Variants in XPO5 observed in about 807,000 individuals in gnomAD.
XPO5 encodes exportin-5.
In XPO5, 46 loss-of-function variants were observed where a neutral mutation model predicts 160.6. That is an observed-to-expected ratio of 0.29 (90% confidence interval 0.23 to 0.37). The LOEUF (loss-of-function observed/expected upper bound fraction) is 0.37, where lower values mean the gene tolerates loss of function less well. Ranked by LOEUF, XPO5 falls within the 10% of genes least tolerant of loss-of-function variation. The probability of loss-of-function intolerance (pLI) is 1.00; values close to 1 mark genes in which losing one functional copy is unlikely to be tolerated. For missense variants in XPO5, 1,090 were observed against 1,463.9 expected (o/e 0.74, Z 4.17); for synonymous variants, 537 against 519.3 (o/e 1.03, Z -0.46).
At position 43,556,523 on chromosome 6, in the gene XPO5, CAAAAAAAAA is replaced by C. The variant is rs539768315; in HGVS notation, c.1313-568_1313-560del. Among the ~76,000 whole-genome samples, 3 of 71,988 alleles carry C rather than the reference CAAAAAAAAA, an allele frequency of 4.2e-5. No individual in the cohort carries two copies. The South Asian group carries it at 1.5e-3, about 36-fold the overall frequency. 47.2% of individuals were successfully genotyped at this position (71,988 alleles called of 152,430 possible). On this transcript the variant is annotated intron_variant, in intron 12 of 31. Transcript: ENST00000265351. ...TGGACAACAGAGTGAGACCATGTCTCAAAAAAAAAAAAAAAAAAATTTTTAAAAAGTAAA... is the reference window on the plus strand; with the variant it reads ...TGGACAACAGAGTGAGACCATGTCTCAAAAAAAAAATTTTTAAAAAGTAAA...
chr6:43,536,398 C>G (rs111994270), intron 20 of XPO5, among the ~76,000 whole-genome samples: 4,924 of 143,324 alleles, frequency 0.034, 258 homozygotes, highest in African/African-American at 0.12. Flanking sequence ...CTGCGCAACA[C>G]AGTGAGACTC....
In XPO5 at chr6:43,549,511, C is replaced by T. The variant is rs771045748; in HGVS notation, c.1838G>A (p.Arg613His). The part of the protein sequence containing the change: ...HACSSIIKMC[R>H]DYPQLVLPNF... ...TACCAGCACAAGCTGGGGGTAGTCACGACACATCTTGATGATGGAGGAACA... is the reference window on the plus strand; with the variant it reads ...TACCAGCACAAGCTGGGGGTAGTCATGACACATCTTGATGATGGAGGAACA... Residue 613 changes from arginine (R) to histidine (H), a missense_variant, in exon 17 of 32, where the codon CGT (arginine) becomes CAT (histidine). Coordinates refer to ENST00000265351, the MANE Select transcript of XPO5 (RefSeq NM_020750.3). 9 of 1,612,868 alleles carry T rather than the reference C, an allele frequency of 5.6e-6. No individual in the cohort carries two copies. Among genetic ancestry groups the T allele is most frequent in the South Asian group, 2.2e-5 (2 of 90,960 alleles).
rs559016595 is a variant in XPO5, at chr6:43,546,344, A to G, written c.2342+227T>C. 3.3e-5 allele frequency among the ~76,000 whole-genome samples: 5 copies of G among 152,350 alleles called. No individual in the cohort carries two copies. The South Asian group carries it at 8.3e-4, about 25-fold the overall frequency. On this transcript the variant is annotated intron_variant, in intron 20 of 31. Transcript: ENST00000265351. ...ACAAAGAGGAGGCTCAAAATGGGAA[A>G]AGCCCTTTTGGGATTATCCCCTTGG...
At chr6:43,539,287 C>G in intron 20 of XPO5, 1 of 1,532,192 alleles carries the variant, frequency 6.5e-7, no homozygotes. Flanking sequence ...ACTTAACACC[C>G]AGACCGACGT....
chr6:43,573,768 T>C (rs1050371637), intron 1 of XPO5, among the ~76,000 whole-genome samples, 167 bp from the exon 2 acceptor site: 1 of 150,396 alleles, frequency 6.6e-6, no homozygotes, highest in Non-Finnish European at 1.5e-5. Context: ...AGTCTGAGAC[T>C]AGCCTAGGCA....
intron 31 of XPO5, among the ~76,000 whole-genome samples, chr6:43,524,221 G>C (rs1793387152): frequency 1.3e-5 from 2 of 152,112 alleles, no homozygotes; most frequent in South Asian, 4.1e-4. Flanking sequence ...ACGTGGTGGT[G>C]CATGCCTGTA....
rs774741167 is a variant in XPO5 at position 43,565,681 on chromosome 6, T to C, written c.890A>G (p.His297Arg). The change falls in exon 8 of 32, where the codon CAT (histidine) becomes CGT (arginine). Residue 297 changes from histidine (H) to arginine (R), a missense_variant. Around this residue, in one of 3 missense-constraint regions of XPO5, gnomAD observed 810 missense variants for 1,139.0 expected, o/e 0.71. Transcript: ENST00000265351. ...TCACTGTGCGGCGGAGAGTATATAA[T>C]GCATGGCAACATCTCCAAATAAGAC... ...LMVLFGDVAM[H>R]YILSAAQTAD... 11 of 1,609,618 alleles carry C rather than the reference T, an allele frequency of 6.8e-6. No individual in the cohort carries two copies. In the South Asian group the frequency reaches 1.0e-4, roughly 15 times the overall value.
chr6:43,561,998 T>A, intron 9 of XPO5: 2 of 328,778 alleles, frequency 6.1e-6, no homozygotes, highest in South Asian at 7.5e-5. Flanking sequence ...GAAACCAACG[T>A]TGACTTTATG....
chr6:43,562,223 T>C (rs763220970), intron 9 of XPO5, 24 bp downstream of exon 9: 12 of 1,581,056 alleles, frequency 7.6e-6, no homozygotes, highest in Non-Finnish European at 1.0e-5. Context: ...CTTGAAGCTC[T>C]CCAGAAAGCA....
At chr6:43,561,334 C>A in intron 9 of XPO5, 1 of 250,450 alleles carries the variant, frequency 4.0e-6, no homozygotes, top group Non-Finnish European at 7.8e-6. Flanking sequence ...TACCTATTCA[C>A]ATCTCTGTGT....
chr6:43,551,199 T>A (rs1191088286), intron 15 of XPO5, 99 bp downstream of exon 15: 2 of 1,288,956 alleles, frequency 1.6e-6, no homozygotes, highest in African/African-American at 3.0e-5. Flanking sequence ...GAGTCCAGCC[T>A]GGGCAATGTA....
intron 21 of XPO5, among the ~76,000 whole-genome samples, chr6:43,531,993 T>A (rs537788984): frequency 2.0e-5 from 3 of 152,298 alleles, no homozygotes; most frequent in Admixed American, 1.3e-4. Context: ...TGCCTTAAAA[T>A]ATCTATATTT....
chr6:43,527,542 T>C (rs1450239098), intron 26 of XPO5, 92 bp downstream of exon 26: 3 of 1,303,210 alleles, frequency 2.3e-6, no homozygotes, highest in African/African-American at 2.9e-5. Flanking sequence ...CATGAATCCT[T>C]TGCATTAGTC....
chr6:43,532,841 C>T (rs1794068172), intron 21 of XPO5, among the ~76,000 whole-genome samples: 1 of 152,164 alleles, frequency 6.6e-6, no homozygotes, highest in Admixed American at 6.5e-5. Flanking sequence ...AAAGCAGTAT[C>T]CTAACAAGGT....
chr6:43,526,651 G>C (rs1000217703), intron 27 of XPO5, 34 bp downstream of exon 27: 4 of 1,612,226 alleles, frequency 2.5e-6, no homozygotes, highest in Non-Finnish European at 3.4e-6. Flanking sequence ...AGGAGGCTAA[G>C]AGCAGAACTC....
intron 21 of XPO5, among the ~76,000 whole-genome samples, chr6:43,532,640 C>G (rs1794052924): frequency 6.6e-6 from 1 of 152,230 alleles, no homozygotes; most frequent in Admixed American, 6.5e-5. Flanking sequence ...AGCATTTCCT[C>G]ATGCCCCTAA....
intron 20 of XPO5, chr6:43,539,020 G>C: frequency 6.5e-7 from 1 of 1,541,330 alleles, no homozygotes; most frequent in Non-Finnish European, 8.9e-7. Context: ...TGGCAGTGCA[G>C]CCCTGGGCTG....
At chr6:43,571,345 A>G (rs975783404) in intron 3 of XPO5, among the ~76,000 whole-genome samples, 1 of 152,202 alleles carries the variant, frequency 6.6e-6, no homozygotes, top group African/African-American at 2.4e-5. Context: ...AGCTGGTAAA[A>G]TGGAAGGGTA....
chr6:43,531,182 G>A (rs941171496), intron 22 of XPO5, among the ~76,000 whole-genome samples: 1 of 152,106 alleles, frequency 6.6e-6, no homozygotes, highest in African/African-American at 2.4e-5. Flanking sequence ...AGCAGTGTAG[G>A]GTCTAAGCAA....
Sources: gnomAD v4.1 joint callset for allele counts (sites outside exome capture counted in the v4.1 genomes callset) on GRCh38, gnomAD v4.1.1 for gene constraint, gnomAD v4.1.1 regional missense constraint, MANE v1.5 for transcripts, NCBI Gene and HGNC (gene_info 2026-07-23, HGNC 2026-07-21) for gene names.